The following IL1RAPL2 variants were observed in gnomAD, a reference collection of about 807,000 sequenced individuals.
The protein encoded by IL1RAPL2 is X-linked interleukin-1 receptor accessory protein-like 2.
Under a neutral mutation model 44.1 loss-of-function variants are expected in IL1RAPL2, and 3 were observed. The ratio of observed to expected loss-of-function variants is 0.07; its 90% CI spans 0.03 to 0.18. IL1RAPL2 has a LOEUF of 0.18. Among genes scored for constraint, IL1RAPL2 ranks in the 10% least tolerant of loss-of-function variants. The probability of loss-of-function intolerance (pLI) is 1.00; values close to 1 mark genes in which losing one functional copy is unlikely to be tolerated. For synonymous variants in IL1RAPL2, 181 were observed against 178.8 expected (o/e 1.01, Z -0.10); for missense variants, 391 against 496.4 (o/e 0.79, Z 2.02).
At chrX:104,798,130 G>A (rs1932862281) in intron 2 of IL1RAPL2, among the ~76,000 whole-genome samples, 1 of 111,399 alleles carries the variant, frequency 9.0e-6, no homozygotes, top group Admixed American at 9.6e-5. Context: ...AATATTTAAA[G>A]TCAGACTCTG....
In IL1RAPL2 at chrX:105,755,264, C is replaced by G; in HGVS notation, c.1280C>G (p.Ala427Gly). Reference sequence around the variant, plus strand: ...GACAATCCTGAAGAAGAGCAGTTTGCTCTTGAAGTACTGCCAGATGTCCTG... The same window carrying G: ...GACAATCCTGAAGAAGAGCAGTTTGGTCTTGAAGTACTGCCAGATGTCCTG... ...DCDNPEEEQF[A>G]LEVLPDVLEK... Residue 427 changes from alanine to glycine, a missense_variant, in exon 10 of 11, where the codon GCT becomes GGT. Ala to Gly is a moderately conservative substitution (Grantham distance 60). This residue lies in a region of IL1RAPL2 where 232 missense variants were observed against 244.8 expected (regional missense o/e 0.95). Coordinates refer to ENST00000372582, the MANE Select transcript of IL1RAPL2 (RefSeq NM_017416.2). 8.4e-7 allele frequency: 1 copy of G among 1,194,988 alleles called. No homozygotes were observed. Among genetic ancestry groups the G allele is most frequent in the Non-Finnish European group, 1.1e-6 (1 of 880,432 alleles).
At chrX:105,578,863 G>T (rs2037069312) in intron 6 of IL1RAPL2, among the ~76,000 whole-genome samples, 1 of 111,745 alleles carries the variant, frequency 8.9e-6, no homozygotes, top group Admixed American at 9.5e-5. Context: ...TGCCCTCAAG[G>T]TCCATGTTGT....
chrX:105,035,359 C>T (rs2031609618), intron 2 of IL1RAPL2, among the ~76,000 whole-genome samples: 1 of 112,061 alleles, frequency 8.9e-6, no homozygotes, highest in South Asian at 3.7e-4. Context: ...TAGACTGGAG[C>T]TGTTCCTATT....
chrX:104,828,621 G>T (rs1350914747), intron 2 of IL1RAPL2, among the ~76,000 whole-genome samples: 2 of 112,096 alleles, frequency 1.8e-5, no homozygotes, highest in Non-Finnish European at 3.8e-5. Context: ...ACCCACTTGA[G>T]GAGGCAGTCT....
intron 2 of IL1RAPL2, among the ~76,000 whole-genome samples, chrX:105,078,027 C>A (rs1392784076): frequency 1.8e-5 from 2 of 111,773 alleles, no homozygotes; most frequent in African/African-American, 6.5e-5. Flanking sequence ...CTGGAGCCTT[C>A]CTCTCTCAAC....
chrX:105,702,845 A>G (rs1293968639), intron 6 of IL1RAPL2, among the ~76,000 whole-genome samples: 1 of 112,081 alleles, frequency 8.9e-6, no homozygotes, highest in African/African-American at 3.2e-5. Flanking sequence ...CCTTGAAAAG[A>G]GAAAAGATGA....
At chrX:105,325,997 T>A (rs2034935613) in intron 5 of IL1RAPL2, among the ~76,000 whole-genome samples, 1 of 111,654 alleles carries the variant, frequency 9.0e-6, no homozygotes, top group African/African-American at 3.3e-5. Flanking sequence ...AATGTATGAT[T>A]TGGAAATATT....
intron 2 of IL1RAPL2, among the ~76,000 whole-genome samples, chrX:104,899,118 T>A (rs1255262266): frequency 2.7e-5 from 3 of 111,884 alleles, no homozygotes; most frequent in African/African-American, 9.7e-5. Flanking sequence ...ATTTTACATT[T>A]GCAATCGGCC....
At chrX:105,605,885 T>C (rs1602486611) in intron 6 of IL1RAPL2, among the ~76,000 whole-genome samples, 1 of 111,832 alleles carries the variant, frequency 8.9e-6, no homozygotes, top group South Asian at 3.7e-4. Context: ...ATGGAAAAAC[T>C]GTATATTCAT....
intron 8 of IL1RAPL2, among the ~76,000 whole-genome samples, chrX:105,741,479 C>T (rs2038499817): frequency 9.0e-6 from 1 of 111,591 alleles, no homozygotes; most frequent in Admixed American, 9.5e-5. Flanking sequence ...AATCAGTGTT[C>T]TTGTTGCCCA....
intron 5 of IL1RAPL2, among the ~76,000 whole-genome samples, chrX:105,471,525 G>A (rs2036165722): frequency 9.0e-6 from 1 of 111,121 alleles, no homozygotes; most frequent in African/African-American, 3.3e-5. Flanking sequence ...AGGTGGGGAT[G>A]AGGAGCTTCT....
At chrX:104,898,460 C>G (rs1923716694) in intron 2 of IL1RAPL2, among the ~76,000 whole-genome samples, 1 of 112,389 alleles carries the variant, frequency 8.9e-6, no homozygotes, top group Admixed American at 9.4e-5. Context: ...TATAAAATAT[C>G]TAAGTTTTCT....
chrX:105,289,032 CACTA>C (rs1239792654), intron 5 of IL1RAPL2, among the ~76,000 whole-genome samples: 1 of 111,110 alleles, frequency 9.0e-6, no homozygotes, highest in Non-Finnish European at 1.9e-5. Context: ...GTCATTTCCT[CACTA>C]ACTACGTTAC....
chrX:105,147,576 A>G (rs2033190490), intron 2 of IL1RAPL2, among the ~76,000 whole-genome samples: 1 of 112,035 alleles, frequency 8.9e-6, no homozygotes, highest in East Asian at 2.8e-4. Flanking sequence ...TTTCATATAC[A>G]TGGAATCATA....
rs760307742 is a variant in IL1RAPL2 at position 105,659,493 on chromosome X, T to A, written c.773-57874T>A. Among the ~76,000 whole-genome samples the A allele has an allele frequency of 5.5e-5, 6 of 108,148 alleles. No homozygotes were observed. In the South Asian group the frequency reaches 2.1e-3, roughly 38 times the overall value. The allele number at this position is 108,148 out of a possible 115,157, so 93.9% of individuals were successfully genotyped here. On this transcript the variant is annotated intron_variant, in intron 6 of 10. Transcript: ENST00000372582. ...TAAAACGGTGAAACCCCGTCTCTAC[T>A]AAAAATACAAAAAATTAGCTGGGCG...
At chrX:105,000,417 C>G (rs978598899) in intron 2 of IL1RAPL2, among the ~76,000 whole-genome samples, 1 of 111,002 alleles carries the variant, frequency 9.0e-6, no homozygotes, top group Non-Finnish European at 1.9e-5. Flanking sequence ...ATGGGTGGCA[C>G]TGGGAGTTTG....
intron 4 of IL1RAPL2, among the ~76,000 whole-genome samples, chrX:105,263,132 G>A (rs1369063283): frequency 2.7e-5 from 3 of 110,350 alleles, no homozygotes; most frequent in East Asian, 2.9e-4. Flanking sequence ...TGATCCACCC[G>A]CCTCGGCCTC....
At chrX:105,132,294 TG>T (rs1404412436) in intron 2 of IL1RAPL2, among the ~76,000 whole-genome samples, 1 of 110,837 alleles carries the variant, frequency 9.0e-6, no homozygotes, top group Non-Finnish European at 1.9e-5. Flanking sequence ...AAAACACAGT[TG>T]GAAATTCAAC....
At chrX:105,607,957 G>C (rs1231248146) in intron 6 of IL1RAPL2, among the ~76,000 whole-genome samples, 1 of 110,856 alleles carries the variant, frequency 9.0e-6, no homozygotes, top group Non-Finnish European at 1.9e-5. Context: ...TGTGAAGATG[G>C]TATAAAGAGC....
Sources: gnomAD v4.1 joint callset for allele counts (sites outside exome capture counted in the v4.1 genomes callset) on GRCh38, gnomAD v4.1.1 for gene constraint, gnomAD v4.1.1 regional missense constraint, MANE v1.5 for transcripts, NCBI Gene and HGNC (gene_info 2026-07-23, HGNC 2026-07-21) for gene names.